The following CCM2 variants were observed in gnomAD, a reference collection of about 807,000 sequenced individuals.
The protein encoded by CCM2 is cerebral cavernous malformations 2 protein.
In CCM2, 25 loss-of-function variants were observed where a neutral mutation model predicts 44.9. That is an observed-to-expected ratio of 0.56 (90% CI 0.41 to 0.78). CCM2 has a LOEUF of 0.78. Among genes scored for constraint, CCM2 ranks in the 30% least tolerant of loss-of-function variants. The pLI, the probability that CCM2 is intolerant of heterozygous loss-of-function variation, is 0.00. For missense variants in CCM2, 481 were observed against 580.6 expected (o/e 0.83, Z 1.76); for synonymous variants, 219 against 241.1 (o/e 0.91, Z 0.85).
chr7:45,000,701 G>GC (rs1010712204), intron 1 of CCM2, among the ~76,000 whole-genome samples: 4 of 152,254 alleles, frequency 2.6e-5, no homozygotes, highest in African/African-American at 4.8e-5. Flanking sequence ...GAGCTAGTGG[G>GC]CTGTGTGGTT....
intron 5 of CCM2, 94 bp downstream of exon 5, chr7:45,068,673 G>T: frequency 6.6e-7 from 1 of 1,520,174 alleles, no homozygotes; most frequent in South Asian, 1.1e-5. Flanking sequence ...ACAGTGCTGG[G>T]CACTGCTGGG....
Position 45,071,625 on chromosome 7 carries a change from A to G in CCM2, c.746-1101A>G, listed in dbSNP as rs1465281680. 1.1e-5 allele frequency: 4 copies of G among 363,198 alleles called. No homozygotes were observed. In the East Asian group the frequency reaches 3.0e-4, roughly 27 times the overall value. The allele number at this position is 363,198 out of a possible 1,614,324, so 22.5% of individuals were successfully genotyped here. A position where few individuals can be genotyped will look rare whatever the true frequency, so the allele number is the denominator to read the frequency against. ...AGTCCATTGTGGGTCCCACTGGGCT[A>G]AAGTTGAGGTGTCCACAGGGCTGGT... On this transcript the variant is annotated intron_variant, in intron 6 of 9. Transcript: ENST00000258781.
At chr7:45,068,145 G>A (rs886398809) in intron 4 of CCM2, 8 of 453,692 alleles carry the variant, frequency 1.8e-5, no homozygotes, top group Non-Finnish European at 3.3e-5. Context: ...GAAACCTCCT[G>A]GAGGTGACTG....
At chr7:45,068,396 T>C in intron 4 of CCM2, 47 bp from the exon 5 acceptor site, 1 of 1,613,196 alleles carries the variant, frequency 6.2e-7, no homozygotes, top group South Asian at 1.1e-5. Flanking sequence ...AGTGCCCCCA[T>C]GCCTGCCCTT....
At chr7:44,999,878 A>T, upstream of CCM2, 1 of 385,668 alleles carries the variant, frequency 2.6e-6, no homozygotes, top group Non-Finnish European at 5.3e-6. Flanking sequence ...GCGGCCGTGC[A>T]GAAGCGAAGT....
intron 1 of CCM2, among the ~76,000 whole-genome samples, chr7:45,024,164 GA>G (rs1218414641): frequency 6.6e-6 from 1 of 152,096 alleles, no homozygotes; most frequent in African/African-American, 2.4e-5. Flanking sequence ...CTAAAGTGTG[GA>G]CTTTTTGGAT....
intron 1 of CCM2, among the ~76,000 whole-genome samples, chr7:45,024,324 C>T (rs1796603803): frequency 6.6e-6 from 1 of 152,246 alleles, no homozygotes; most frequent in East Asian, 1.9e-4. Flanking sequence ...AGTTTCATCT[C>T]TGCATGTCCA....
intron 2 of CCM2, among the ~76,000 whole-genome samples, chr7:45,045,288 C>T (rs1797698960): frequency 6.6e-6 from 1 of 152,042 alleles, no homozygotes; most frequent in Admixed American, 6.6e-5. Flanking sequence ...ACTTGAATCA[C>T]CTTGGAACTT....
chr7:45,066,871 A>C (rs1798802411), intron 4 of CCM2, among the ~76,000 whole-genome samples: 1 of 152,000 alleles, frequency 6.6e-6, no homozygotes, highest in African/African-American at 2.4e-5. Flanking sequence ...TCATACCAAA[A>C]AAAGAAAAAA....
intron 1 of CCM2, among the ~76,000 whole-genome samples, chr7:45,021,768 G>A (rs1562866588): frequency 6.6e-6 from 1 of 151,658 alleles, no homozygotes; most frequent in South Asian, 2.1e-4. Flanking sequence ...GAGGGGAAGG[G>A]ATGAGAGAGG....
chr7:45,034,512 C>T (rs1470800398), intron 1 of CCM2, among the ~76,000 whole-genome samples: 3 of 65,222 alleles, frequency 4.6e-5, no homozygotes, highest in Middle Eastern at 0.019. Flanking sequence ...CATGCCTGGC[C>T]TTTTTTTTTT....
At chr7:45,004,192 G>A (rs1795755513) in intron 1 of CCM2, among the ~76,000 whole-genome samples, 1 of 152,032 alleles carries the variant, frequency 6.6e-6, no homozygotes, top group African/African-American at 2.4e-5. Context: ...GAAAAAAAAG[G>A]TTATAAAGTT....
rs1795531225 is a variant in CCM2 at position 45,000,245 on chromosome 7, G to GCGGCGGGCC, written c.-85_-77dup. On this transcript the variant is annotated 5_prime_UTR_variant, in exon 1 of 10. Transcript: ENST00000258781. The stretch of plus-strand genomic sequence containing the variant: ...GGCGGGCGGCGCCGGGAGCGCGGGG[G>GCGGCGGGCC]CGGCGGGCCCGGGTCGAGCATGTAG... The GCGGCGGGCC allele has an allele frequency of 1.2e-6, 1 of 838,950 alleles. No homozygotes were observed. The highest frequency in any genetic ancestry group is 1.1e-4 in the East Asian group (1 of 9,418). The allele number at this position is 838,950 out of a possible 1,614,324, so 52.0% of individuals were successfully genotyped here. A position where few individuals can be genotyped will look rare whatever the true frequency, so the allele number is the denominator to read the frequency against.
At chr7:45,017,315 A>G (rs556923940) in intron 1 of CCM2, among the ~76,000 whole-genome samples, 1 of 152,230 alleles carries the variant, frequency 6.6e-6, no homozygotes. Flanking sequence ...CAGGGCACTC[A>G]AGTGCACAGC....
intron 2 of CCM2, among the ~76,000 whole-genome samples, chr7:45,058,720 A>G (rs1427032644): frequency 2.6e-5 from 4 of 151,936 alleles, no homozygotes; most frequent in East Asian, 1.9e-4. Flanking sequence ...TGCTTTTTCT[A>G]CATCTATTGC....
At chr7:45,010,970 A>T (rs576353729) in intron 1 of CCM2, among the ~76,000 whole-genome samples, 28 of 152,294 alleles carry the variant, frequency 1.8e-4, no homozygotes, top group African/African-American at 6.5e-4. Flanking sequence ...GCTGAATTTT[A>T]TGGGAACTAT....
intron 6 of CCM2, chr7:45,070,461 A>C (rs1799013470): frequency 2.2e-6 from 1 of 456,328 alleles, no homozygotes; most frequent in Non-Finnish European, 4.4e-6. Flanking sequence ...GAGCAGTGGC[A>C]GATGGGGAAG....
intron 4 of CCM2, among the ~76,000 whole-genome samples, chr7:45,065,329 GC>G (rs1445996036): frequency 6.6e-6 from 1 of 152,188 alleles, no homozygotes; most frequent in Non-Finnish European, 1.5e-5. Flanking sequence ...CCTGTATTTT[GC>G]CCCTCCCAGT....
rs1263295321 is a variant in CCM2 at position 45,076,150 on chromosome 7, T to C, written c.*93T>C. On this transcript the variant is annotated 3_prime_UTR_variant, in exon 10 of 10. Transcript: ENST00000258781. The stretch of plus-strand genomic sequence containing the variant: ...CCCAGACCTGCGTGTCAGCCCTTGG[T>C]GGTGGCCAGGGAGAGGCGCCCGGTG... 6.4e-7 allele frequency: 1 copy of C among 1,571,402 alleles called. No individual in the cohort carries two copies. Among genetic ancestry groups the C allele is most frequent in the African/African-American group, 1.3e-5 (1 of 74,402 alleles).
Sources: gnomAD v4.1 joint callset for allele counts (sites outside exome capture counted in the v4.1 genomes callset) on GRCh38, gnomAD v4.1.1 for gene constraint, MANE v1.5 for transcripts, NCBI Gene and HGNC (gene_info 2026-07-23, HGNC 2026-07-21) for gene names.